STPG4: variants seen among roughly 807,000 people sequenced by gnomAD.
STPG4 encodes the protein sperm-tail PG-rich repeat containing 4.
In STPG4, 41 loss-of-function variants were observed where a neutral mutation model predicts 31.5. That is an observed-to-expected ratio of 1.30 (90% CI 1.01 to 1.69). The LOEUF (loss-of-function observed/expected upper bound fraction) is 1.69, where lower values mean the gene tolerates loss of function less well. Among genes scored for constraint, STPG4 ranks in the 40% most tolerant of loss-of-function variants. STPG4 has a pLI of 0.00. For synonymous variants in STPG4, 141 were observed against 103.0 expected (o/e 1.37, Z -2.24); for missense variants, 375 against 293.4 (o/e 1.28, Z -2.03).
At chr2:47,141,022 G>T (rs1291752165) in intron 3 of STPG4, among the ~76,000 whole-genome samples, 2 of 151,758 alleles carry the variant, frequency 1.3e-5, no homozygotes, top group African/African-American at 2.4e-5. Context: ...GAGTAGCTGT[G>T]ACTACAGGTG....
chr2:47,096,571 A>G (rs1685673237), intron 5 of STPG4, among the ~76,000 whole-genome samples: 1 of 152,240 alleles, frequency 6.6e-6, no homozygotes, highest in South Asian at 2.1e-4. Flanking sequence ...GTGCAAGTTA[A>G]CAGTAGGAAT....
At chr2:47,092,369 A>T (rs949522719) in intron 5 of STPG4, among the ~76,000 whole-genome samples, 1 of 149,090 alleles carries the variant, frequency 6.7e-6, no homozygotes, top group Admixed American at 6.7e-5. Context: ...GTCTCTAAAA[A>T]ATATAAAAAT....
At chr2:47,106,800 G>T (rs1307666878) in intron 5 of STPG4, among the ~76,000 whole-genome samples, 1 of 152,020 alleles carries the variant, frequency 6.6e-6, no homozygotes. Flanking sequence ...CCATCTTGCT[G>T]TTACTAGCCT....
intron 5 of STPG4, among the ~76,000 whole-genome samples, chr2:47,110,873 T>C (rs567506986): frequency 1.5e-4 from 23 of 152,236 alleles, no homozygotes; most frequent in Non-Finnish European, 2.5e-4. Context: ...TTTGGGTGGA[T>C]ACATAATATT....
chr2:47,119,365 G>C (rs1425819906), intron 5 of STPG4, among the ~76,000 whole-genome samples: 1 of 152,172 alleles, frequency 6.6e-6, no homozygotes, highest in Non-Finnish European at 1.5e-5. Context: ...CAGTAAAAGT[G>C]GCAGAGTAAG....
At chr2:47,130,054 G>T in intron 4 of STPG4, 59 bp from the exon 5 acceptor site, 1 of 1,478,826 alleles carries the variant, frequency 6.8e-7, no homozygotes, top group Non-Finnish European at 9.3e-7. Flanking sequence ...AAAGATCTTT[G>T]TTAACTTATT....
chr2:47,115,549 T>C (rs1301630950), intron 5 of STPG4, among the ~76,000 whole-genome samples: 3 of 152,196 alleles, frequency 2.0e-5, no homozygotes, highest in South Asian at 2.1e-4. Context: ...AGGATGCTAA[T>C]TGTATTTTTA....
At chr2:47,101,647 A>G (rs1304134097) in intron 5 of STPG4, among the ~76,000 whole-genome samples, 1 of 151,980 alleles carries the variant, frequency 6.6e-6, no homozygotes, top group Non-Finnish European at 1.5e-5. Flanking sequence ...TCAGAAAGAC[A>G]TAATTTTTGC....
intron 3 of STPG4, among the ~76,000 whole-genome samples, chr2:47,132,153 A>T (rs1255171427): frequency 7.0e-6 from 1 of 143,196 alleles, no homozygotes; most frequent in Non-Finnish European, 1.5e-5. Flanking sequence ...AAACAGAGCG[A>T]GACTCACTCT....
intron 3 of STPG4, among the ~76,000 whole-genome samples, chr2:47,146,564 G>A (rs1471048393): frequency 3.1e-4 from 43 of 137,504 alleles, no homozygotes; most frequent in South Asian, 2.4e-4. Flanking sequence ...CATCTCTACT[G>A]AAAAAAAAAA....
intron 3 of STPG4, among the ~76,000 whole-genome samples, chr2:47,140,632 A>G: frequency 6.6e-6 from 1 of 152,192 alleles, no homozygotes; most frequent in East Asian, 1.9e-4. Flanking sequence ...CACTTCTCTT[A>G]CAAGTCTAAA....
At chr2:47,145,487 A>G (rs146538882) in intron 3 of STPG4, among the ~76,000 whole-genome samples, 58 of 152,326 alleles carry the variant, frequency 3.8e-4, no homozygotes, top group African/African-American at 1.4e-3. Flanking sequence ...AGACATAAAC[A>G]CTGCATTTTG....
intron 5 of STPG4, among the ~76,000 whole-genome samples, chr2:47,120,148 T>C (rs577359486): frequency 1.3e-5 from 2 of 152,224 alleles, no homozygotes; most frequent in South Asian, 2.1e-4. Flanking sequence ...TTGGGCAATA[T>C]GTTGAAACCC....
rs779416924 is a variant in STPG4, at chr2:47,087,133, G to A, written c.625-3C>T. Reference sequence around the variant, plus strand: ...TATGCTCCTGGGCCTGGGGTTTTCTGAAAACAGAGCAGAAAACAGGGACTG... The same window carrying A: ...TATGCTCCTGGGCCTGGGGTTTTCTAAAAACAGAGCAGAAAACAGGGACTG... On this transcript the variant is annotated splice_polypyrimidine_tract_variant and splice_region_variant and intron_variant, in intron 6 of 6. Coordinates refer to ENST00000445927, the MANE Select transcript of STPG4 (RefSeq NM_001163561.2). 6.4e-7 allele frequency: 1 copy of A among 1,551,608 alleles called. No homozygotes were observed.
At chr2:47,131,923 G>A (rs113521833) in intron 3 of STPG4, among the ~76,000 whole-genome samples, 145 of 152,286 alleles carry the variant, frequency 9.5e-4, no homozygotes, top group Non-Finnish European at 1.7e-3. Flanking sequence ...CCAACACTTC[G>A]GGAAGCCGAG....
At chr2:47,134,453 C>T (rs1353565038) in intron 3 of STPG4, among the ~76,000 whole-genome samples, 2 of 152,200 alleles carry the variant, frequency 1.3e-5, no homozygotes, top group Non-Finnish European at 2.9e-5. Flanking sequence ...GGAATCATAC[C>T]ATATGCAGCC....
Position 47,090,450 on chromosome 2 carries a change from A to G in STPG4, c.520-76T>C, listed in dbSNP as rs78092309. 2.6e-3 allele frequency: 2,399 copies of G among 933,878 alleles called. 39 individuals are homozygous for G. The African/African-American group carries it at 0.035, about 14-fold the overall frequency. The allele number at this position is 933,878 out of a possible 1,614,324, so 57.8% of individuals were successfully genotyped here. ...TTTAAGGCTTTATTTGCCTTCTACA[A>G]ATAAACATATGAATCACTGTGATAT... is the stretch of plus-strand genomic sequence containing the variant. On this transcript the variant is annotated intron_variant, in intron 5 of 6. Transcript: ENST00000445927.
At chr2:47,093,372 A>G (rs1235069543) in intron 5 of STPG4, among the ~76,000 whole-genome samples, 1 of 152,200 alleles carries the variant, frequency 6.6e-6, no homozygotes, top group Non-Finnish European at 1.5e-5. Flanking sequence ...ACATTGAAGA[A>G]ATCTAAGCCC....
At chr2:47,122,508 G>T (rs1686291416) in intron 5 of STPG4, among the ~76,000 whole-genome samples, 1 of 151,986 alleles carries the variant, frequency 6.6e-6, no homozygotes, top group African/African-American at 2.4e-5. Flanking sequence ...TGTGTGCTAT[G>T]AAGTGAGAAT....
Sources: allele counts gnomAD v4.1 joint callset (sites outside exome capture counted in the v4.1 genomes callset), GRCh38; gene constraint gnomAD v4.1.1; transcripts MANE v1.5; gene names NCBI Gene and HGNC (gene_info 2026-07-23, HGNC 2026-07-21).